Variants in RMDN3 observed in about 807,000 individuals in gnomAD.
The protein encoded by RMDN3 is regulator of microtubule dynamics protein 3.
RMDN3 carries 41 observed loss-of-function variants against 61.8 expected under a neutral mutation model. The ratio of observed to expected loss-of-function variants is 0.66; its 90% CI spans 0.52 to 0.86. The LOEUF is 0.86. Ranked by LOEUF, RMDN3 falls within the 40% of genes least tolerant of loss-of-function variation. The pLI, the probability that RMDN3 is intolerant of heterozygous loss-of-function variation, is 0.00. For missense variants in RMDN3, 557 were observed against 585.3 expected, an observed-to-expected ratio of 0.95 and a Z score of 0.50; for synonymous variants, 247 against 232.0, an observed-to-expected ratio of 1.06 and a Z score of -0.59.
intron 6 of RMDN3, among the ~76,000 whole-genome samples, chr15:40,741,646 T>TTTTTTTTTTTTTTA (rs1897287865): frequency 7.2e-6 from 1 of 138,114 alleles, no homozygotes; most frequent in Admixed American, 7.4e-5. Context: ...TTTTTTTTTT[T>TTTTTTTTTTTTTTA]GAGACAAGAG....
At chr15:40,741,743 G>T (rs193047194) in intron 6 of RMDN3, among the ~76,000 whole-genome samples, 3 of 147,378 alleles carry the variant, frequency 2.0e-5, no homozygotes, top group African/African-American at 7.5e-5. Context: ...ATTCTCCTGC[G>T]TCAGCCTCCC....
chr15:40,740,446 G>A (rs529773093), intron 6 of RMDN3, among the ~76,000 whole-genome samples: 1 of 152,272 alleles, frequency 6.6e-6, no homozygotes, highest in East Asian at 1.9e-4. Context: ...AGGAGTCGGA[G>A]ACCAGCCTGG....
chr15:40,741,246 A>G (rs992937701), intron 6 of RMDN3, among the ~76,000 whole-genome samples: 1 of 151,988 alleles, frequency 6.6e-6, no homozygotes, highest in African/African-American at 2.4e-5. Context: ...ATTGGCTCAC[A>G]CCTGTAATCC....
chr15:40,740,658 A>G (rs1897244951), intron 6 of RMDN3, among the ~76,000 whole-genome samples: 1 of 151,892 alleles, frequency 6.6e-6, no homozygotes, highest in African/African-American at 2.4e-5. Flanking sequence ...AAGGCTGCAA[A>G]CGGCTTCTAA....
At chr15:40,744,905 TC>T (rs1897449727) in intron 5 of RMDN3, 71 bp downstream of exon 5, 1 of 1,462,144 alleles carries the variant, frequency 6.8e-7, no homozygotes. Flanking sequence ...GGGCCTTCAT[TC>T]CCCAGGGGTC....
In RMDN3 at chr15:40,737,698, T is replaced by G; in HGVS notation, c.1154A>C (p.Lys385Thr). ...QVSHLSWLEK[K>T]TATALLESPL... The stretch of plus-strand genomic sequence containing the variant: ...GCTTTCAAGCAAGGCTGTAGCAGTT[T>G]TTTTTTCTAGCCAGCTCAGGTGAGA... Residue 385 changes from lysine (K) to threonine (T), a missense_variant, in exon 10 of 13, where the codon AAA becomes ACA. By Grantham distance (78) the Lys-to-Thr change is moderately conservative (BLOSUM62 -1). Transcript: ENST00000338376. 6.2e-7 allele frequency: 1 copy of G among 1,614,206 alleles called. No individual in the cohort carries two copies.
intron 6 of RMDN3, among the ~76,000 whole-genome samples, chr15:40,741,819 G>C (rs1440664793): frequency 6.6e-6 from 1 of 151,546 alleles, no homozygotes; most frequent in Non-Finnish European, 1.5e-5. Context: ...AGTAGAGACA[G>C]TTTTGCCTTG....
intron 7 of RMDN3, chr15:40,739,750 A>G (rs764211182): frequency 2.6e-5 from 5 of 192,870 alleles, no homozygotes; most frequent in Admixed American, 5.3e-5. Flanking sequence ...AAAGAAGCCA[A>G]AGTACCAGCA....
chr15:40,743,085 G>A (rs571899758), intron 6 of RMDN3, among the ~76,000 whole-genome samples: 9 of 152,268 alleles, frequency 5.9e-5, no homozygotes, highest in African/African-American at 2.2e-4. Context: ...AATAATATTT[G>A]TAAGGCTGTA....
At position 40,745,043 on chromosome 15, in the gene RMDN3, C is replaced by T. The variant is rs763057143; in HGVS notation, c.741G>A (p.Glu247=). The change falls in exon 5 of 13, where the codon GAG becomes GAA. Residue 247 remains glutamate (E), a synonymous_variant. Transcript: ENST00000338376. ...DVLPLLQQAD[E]LHRGDEQGKR... is the part of the protein sequence containing the mutation. ...TGCCTTGCTCATCACCCCTGTGCAG[C>T]TCGTCGGCCTGCTGCAGGAGGGGCA... 1 of 1,614,140 alleles carries T rather than the reference C, an allele frequency of 6.2e-7. No homozygotes were observed. The highest frequency in any genetic ancestry group is 2.2e-5 in the East Asian group (1 of 44,862).
intron 10 of RMDN3, 86 bp downstream of exon 10, chr15:40,737,542 C>A (rs758011583): frequency 2.3e-5 from 30 of 1,307,156 alleles, no homozygotes; most frequent in Non-Finnish European, 3.2e-5. Context: ...ACTAGGAAAA[C>A]CCCTCCCATT....
chr15:40,740,318 T>C, intron 6 of RMDN3, 125 bp from the exon 7 acceptor site: 2 of 724,302 alleles, frequency 2.8e-6, no homozygotes. Flanking sequence ...TGTTTGGAAA[T>C]AGTTGTGAAC....
rs1465925058 is a variant in RMDN3, at chr15:40,737,665, C to T, written c.1187G>A (p.Ser396Asn). 2 of 1,614,140 alleles carry T rather than the reference C, an allele frequency of 1.2e-6. No homozygotes were observed. Among genetic ancestry groups the T allele is most frequent in the Non-Finnish European group, 1.7e-6 (2 of 1,180,038 alleles). ...TATALLESPL[S>N]ATVEDALQSF... ...CTGGAGGGCATCTTCCACAGTGGCA[C>T]TGAGAGGGCTTTCAAGCAAGGCTGT... The change falls in exon 10 of 13, where the codon AGT becomes AAT. Residue 396 changes from serine (S) to asparagine (N), a missense_variant. By Grantham distance (46) the Ser-to-Asn change is conservative. Coordinates refer to ENST00000338376, the MANE Select transcript of RMDN3 (RefSeq NM_018145.3).
At chr15:40,746,689 TG>T (rs1366173501) in intron 4 of RMDN3, among the ~76,000 whole-genome samples, 2 of 152,150 alleles carry the variant, frequency 1.3e-5, no homozygotes, top group South Asian at 4.1e-4. Flanking sequence ...CTGAAGGCTC[TG>T]GAAGTGAGCA....
chr15:40,736,561 C>T lies in RMDN3; in HGVS notation c.1393G>A (p.Glu465Lys). The change falls in exon 13 of 13, where the codon GAA becomes AAA. Residue 465 changes from glutamate (E) to lysine (K), a missense_variant. Glu to Lys is a moderately conservative substitution (Grantham distance 56, BLOSUM62 1). Coordinates refer to ENST00000338376, the MANE Select transcript of RMDN3 (RefSeq NM_018145.3). ...LAIQKDLEELEVILRD is the reference protein window; with the variant it reads ...LAIQKDLEELKVILRD The stretch of plus-strand genomic sequence containing the variant: ...CGTGGTTAGTCTCGTAAAATGACTT[C>T]CAGTTCTTCCAGGTCCTTCTGGATA... 4.3e-6 allele frequency: 7 copies of T among 1,613,978 alleles called. No individual in the cohort carries two copies. The highest frequency in any genetic ancestry group is 5.9e-6 in the Non-Finnish European group (7 of 1,179,952).
chr15:40,750,689 C>G (rs1897783229), intron 4 of RMDN3, among the ~76,000 whole-genome samples: 1 of 152,156 alleles, frequency 6.6e-6, no homozygotes, highest in Non-Finnish European at 1.5e-5. Context: ...CTTGGCTGTT[C>G]TCTACACCAG....
In RMDN3 at chr15:40,738,046, A is replaced by T; in HGVS notation, c.1048-4T>A. ...CAATGGCTTTGTCCACATGCTCCTAAGGGGAAAATGTAAATATAAACTAAC... is the reference window on the plus strand; with the variant it reads ...CAATGGCTTTGTCCACATGCTCCTATGGGGAAAATGTAAATATAAACTAAC... On this transcript the variant is annotated splice_polypyrimidine_tract_variant and splice_region_variant and intron_variant, in intron 8 of 12. Coordinates refer to ENST00000338376, the MANE Select transcript of RMDN3 (RefSeq NM_018145.3). The T allele has an allele frequency of 6.2e-7, 1 of 1,614,020 alleles. No individual in the cohort carries two copies. Among genetic ancestry groups the T allele is most frequent in the South Asian group, 1.1e-5 (1 of 91,080 alleles).
In RMDN3 at chr15:40,740,016, A is replaced by G. The variant is rs567238008; in HGVS notation, c.971+117T>C. 290 of 715,430 alleles carry G rather than the reference A, an allele frequency of 4.1e-4. No individual in the cohort carries two copies. The African/African-American group carries it at 4.3e-3, about 11-fold the overall frequency. The allele number at this position is 715,430 out of a possible 1,614,324, so 44.3% of individuals were successfully genotyped here. On this transcript the variant is annotated intron_variant, in intron 7 of 12. Transcript: ENST00000338376. ...GAGGCATGTGGAGATACAAGCCAGA[A>G]CTCCCTCTCCTGGATCCTTTGGAAA...
Position 40,751,414 on chromosome 15 carries a change from G to T in RMDN3, c.524+12C>A, listed in dbSNP as rs746136826. 6.2e-7 allele frequency: 1 copy of T among 1,613,058 alleles called. No homozygotes were observed. The highest frequency in any genetic ancestry group is 2.2e-5 in the East Asian group (1 of 44,854). On this transcript the variant is annotated intron_variant, in intron 4 of 12. Transcript: ENST00000338376. ...GCTGTAGCCATAACTGCCTCCAAGA[G>T]AGACAACTCACCCCCCTTCACTCTC...
Sources: allele counts gnomAD v4.1 joint callset (sites outside exome capture counted in the v4.1 genomes callset), GRCh38; gene constraint gnomAD v4.1.1; transcripts MANE v1.5; gene names NCBI Gene and HGNC (gene_info 2026-07-23, HGNC 2026-07-21).